BUD31: variants seen among roughly 807,000 people sequenced by gnomAD.
BUD31 encodes BUD31 spliceosome associated protein.
A neutral mutation model predicts 17.9 loss-of-function variants in BUD31; 9 were observed. The observed-to-expected ratio is 0.50, with a 90% CI of 0.30 to 0.88. The LOEUF is 0.88. Among genes scored for constraint, BUD31 ranks in the 40% least tolerant of loss-of-function variants. BUD31 has a pLI of 0.06. For synonymous variants in BUD31, 70 were observed against 64.7 expected (o/e 1.08, Z -0.39); for missense variants, 148 against 184.5 (o/e 0.80, Z 1.15).
intron 3 of BUD31, chr7:99,415,300 G>A (rs1182742484): frequency 2.2e-6 from 1 of 455,144 alleles, no homozygotes; most frequent in South Asian, 1.5e-5. Context: ...CCACTGGAAA[G>A]CGGGCCCTTG....
intron 3 of BUD31, among the ~76,000 whole-genome samples, chr7:99,413,782 G>A (rs976790094): frequency 6.6e-6 from 1 of 152,308 alleles, no homozygotes; most frequent in African/African-American, 2.4e-5. Context: ...AGTAGAGACA[G>A]TGTTTTGCCC....
rs1370032491 is a variant in BUD31, at chr7:99,419,235, A to G, written c.385-156A>G. ...CTGGTTCTACCTTCATGAGGGAGCC[A>G]AATTTTCCCTGTCCAGAGCTGTCAA... On this transcript the variant is annotated intron_variant, in intron 5 of 5. Coordinates refer to ENST00000222969, the MANE Select transcript of BUD31 (RefSeq NM_003910.4). The G allele has an allele frequency of 8.4e-6, 7 of 833,728 alleles. 1 individual carries two copies. The East Asian group carries it at 1.3e-4, about 16-fold the overall frequency. 51.6% of individuals were successfully genotyped at this position (833,728 alleles called of 1,614,324 possible).
chr7:99,417,359 CT>C, intron 4 of BUD31, 69 bp from the exon 5 acceptor site: 6 of 1,541,116 alleles, frequency 3.9e-6, no homozygotes, highest in Admixed American at 3.4e-5. Flanking sequence ...GGCCTGAATG[CT>C]TTTTTTGATC....
intron 3 of BUD31, among the ~76,000 whole-genome samples, chr7:99,413,743 C>T (rs1479913942): frequency 1.3e-5 from 2 of 152,078 alleles, no homozygotes; most frequent in Non-Finnish European, 2.9e-5. Context: ...AGGCATGTGC[C>T]ACCATGCCCA....
At chr7:99,417,879 A>C in intron 5 of BUD31, 1 of 1,359,882 alleles carries the variant, frequency 7.4e-7, no homozygotes. Context: ...CCTAATCCCA[A>C]GGTGGTGGCA....
At position 99,411,059 on chromosome 7, in the gene BUD31, C is replaced by G. The variant is rs745655563; in HGVS notation, c.-29-5C>G. 13 of 1,581,620 alleles carry G rather than the reference C, an allele frequency of 8.2e-6. No homozygotes were observed. Among genetic ancestry groups the G allele is most frequent in the East Asian group, 6.7e-5 (3 of 44,704 alleles). On this transcript the variant is annotated splice_region_variant and splice_polypyrimidine_tract_variant and intron_variant, in intron 2 of 5. Transcript: ENST00000222969. ...CTCAGAAACCAATTCATTTTTTTCC[C>G]CCAGATCTTTGCAGATTATCCTGTG...
At chr7:99,410,792 C>A (rs6943920) in intron 2 of BUD31, among the ~76,000 whole-genome samples, 53,824 of 152,174 alleles carry the variant, frequency 0.35, 16,201 homozygotes, top group African/African-American at 0.82. Flanking sequence ...AGATACAATT[C>A]TAATGAAGTC....
intron 2 of BUD31, 96 bp from the exon 3 acceptor site, chr7:99,410,968 A>G (rs1305945126): frequency 1.7e-5 from 13 of 748,080 alleles, no homozygotes; most frequent in African/African-American, 3.5e-5. Flanking sequence ...CTGTGACCCT[A>G]TGCTGACTCA....
intron 5 of BUD31, 111 bp downstream of exon 5, chr7:99,417,706 G>T: frequency 1.3e-6 from 2 of 1,546,178 alleles, no homozygotes; most frequent in Non-Finnish European, 1.7e-6. Flanking sequence ...TTTGTCCCTG[G>T]ATGTCCTGCT....
intron 3 of BUD31, among the ~76,000 whole-genome samples, chr7:99,413,981 C>G (rs191971612): frequency 6.6e-6 from 1 of 152,174 alleles, no homozygotes; most frequent in Admixed American, 6.5e-5. Flanking sequence ...TTTTTCTTGT[C>G]ACATGGGTAA....
chr7:99,417,880 G>A, intron 5 of BUD31: 1 of 1,360,220 alleles, frequency 7.4e-7, no homozygotes, highest in Non-Finnish European at 9.5e-7. Flanking sequence ...CTAATCCCAA[G>A]GTGGTGGCAG....
intron 3 of BUD31, among the ~76,000 whole-genome samples, chr7:99,412,445 T>C (rs1465443403): frequency 6.6e-6 from 1 of 152,188 alleles, no homozygotes; most frequent in Non-Finnish European, 1.5e-5. Flanking sequence ...TGTTTTTGTT[T>C]TGAGACAAGG....
At position 99,411,202 on chromosome 7, in the gene BUD31, C is replaced by T. The variant is rs200383468; in HGVS notation, c.94+16C>T. 11 of 1,607,482 alleles carry T rather than the reference C, an allele frequency of 6.8e-6. No individual in the cohort carries two copies. The East Asian group carries it at 2.5e-4, about 36-fold the overall frequency. On this transcript the variant is annotated intron_variant, in intron 3 of 5. Coordinates refer to ENST00000222969, the MANE Select transcript of BUD31 (RefSeq NM_003910.4). ...ATGAGAGAAGGTGAGTAGGGGAGTTCCTGTCTGGGTGGGCTGGGTCCAAGG... is the reference window on the plus strand; with the variant it reads ...ATGAGAGAAGGTGAGTAGGGGAGTTTCTGTCTGGGTGGGCTGGGTCCAAGG...
chr7:99,417,686 G>A (rs1036738356), intron 5 of BUD31, 91 bp downstream of exon 5: 2 of 1,563,964 alleles, frequency 1.3e-6, no homozygotes, highest in Non-Finnish European at 1.7e-6. Context: ...TGGTTGGGCT[G>A]GAATGTCGTT....
At chr7:99,415,286 G>A (rs139118723) in intron 3 of BUD31, 11 of 455,838 alleles carry the variant, frequency 2.4e-5, no homozygotes, top group South Asian at 4.6e-5. Flanking sequence ...CATGGGTCAC[G>A]TGTCCACTGG....
At position 99,410,616 on chromosome 7, in the gene BUD31, C is replaced by T. The variant is rs1471416841; in HGVS notation, c.-30+447C>T. 2.6e-5 allele frequency among the ~76,000 whole-genome samples: 4 copies of T among 152,080 alleles called. No individual in the cohort carries two copies. In the East Asian group the frequency reaches 5.8e-4, roughly 22 times the overall value. ...CCCTCCTTATACTCTATTGTAATTG[C>T]TTTTTCTCTTGTCTGTCTCTTTGCT... On this transcript the variant is annotated intron_variant, in intron 2 of 5. Transcript: ENST00000222969.
chr7:99,411,229 T>TCA (rs765691477), intron 3 of BUD31, 43 bp downstream of exon 3: 1 of 1,518,826 alleles, frequency 6.6e-7, no homozygotes, highest in Non-Finnish European at 9.1e-7. Flanking sequence ...GGTCCAAGGG[T>TCA]CACAGGCTTA....
chr7:99,418,452 C>T, intron 5 of BUD31: 1 of 153,312 alleles, frequency 6.5e-6, no homozygotes, highest in Non-Finnish European at 1.5e-5. Context: ...CAGTTGTTGG[C>T]CCCACCGCCC....
intron 3 of BUD31, among the ~76,000 whole-genome samples, chr7:99,414,859 A>G (rs534590799): frequency 6.6e-6 from 1 of 152,220 alleles, no homozygotes; most frequent in African/African-American, 2.4e-5. Flanking sequence ...CAGCCTCCCA[A>G]AGTGCTGGGA....
Sources: gnomAD v4.1 joint callset for allele counts (sites outside exome capture counted in the v4.1 genomes callset) on GRCh38, gnomAD v4.1.1 for gene constraint, MANE v1.5 for transcripts, NCBI Gene and HGNC (gene_info 2026-07-23, HGNC 2026-07-21) for gene names.